Variants in KIF26B observed in about 807,000 individuals in gnomAD.
The protein encoded by KIF26B is kinesin-like protein KIF26B.
In KIF26B, 63 loss-of-function variants were observed where a neutral mutation model predicts 151.2. The observed-to-expected ratio is 0.42, with a 90% CI of 0.34 to 0.51. The LOEUF is 0.51. Ranked by LOEUF, KIF26B falls within the 20% of genes least tolerant of loss-of-function variation. The pLI is 0.07. For synonymous variants in KIF26B, 1,357 were observed against 1,262.1 expected, an observed-to-expected ratio of 1.08 and a Z score of -1.59; for missense variants, 2,813 against 2,913.6, an observed-to-expected ratio of 0.97 and a Z score of 0.79.
chr1:245,581,858 A>G (rs1214292705), intron 5 of KIF26B, among the ~76,000 whole-genome samples: 1 of 151,940 alleles, frequency 6.6e-6, no homozygotes, highest in African/African-American at 2.4e-5. Context: ...CCGAGGCCAC[A>G]GTGAGCTGAG....
At chr1:245,314,479 C>T (rs994457260) in intron 2 of KIF26B, among the ~76,000 whole-genome samples, 3 of 152,130 alleles carry the variant, frequency 2.0e-5, no homozygotes, top group African/African-American at 7.2e-5. Flanking sequence ...AACAAACAAA[C>T]AGCCCTTACA....
Position 245,609,509 on chromosome 1 carries a change from A to T in KIF26B, c.1895A>T (p.Asp632Val), listed in dbSNP as rs1464675425. ...GQSPGVYLCE[D>V]PICGTQLQNQ... ...TCCCCGGGCGTGTACCTCTGTGAGG[A>T]CCCCATCTGCGGCACGCAGGTGATT... Residue 632 changes from aspartate (D) to valine (V), a missense_variant, in exon 8 of 15, where the codon GAC becomes GTC. Around this residue, in one of 3 missense-constraint regions of KIF26B, gnomAD observed 2,060 missense variants for 2,088.6 expected, o/e 0.99. Coordinates refer to ENST00000407071, the MANE Select transcript of KIF26B (RefSeq NM_018012.4). The T allele has an allele frequency of 6.4e-7, 1 of 1,566,658 alleles. No individual in the cohort carries two copies. The highest frequency in any genetic ancestry group is 8.7e-7 in the Non-Finnish European group (1 of 1,154,360).
chr1:245,437,335 T>C (rs1658960989), intron 4 of KIF26B, among the ~76,000 whole-genome samples: 1 of 152,236 alleles, frequency 6.6e-6, no homozygotes, highest in South Asian at 2.1e-4. Context: ...TTGAATGTAA[T>C]CCCCGTGTCT....
At chr1:245,404,223 T>A (rs1322732848) in intron 3 of KIF26B, among the ~76,000 whole-genome samples, 4 of 149,844 alleles carry the variant, frequency 2.7e-5, no homozygotes, top group African/African-American at 7.6e-5. Flanking sequence ...TTTTTTTTTT[T>A]TATAAAGCGT....
intron 4 of KIF26B, among the ~76,000 whole-genome samples, chr1:245,429,437 C>G (rs1298588913): frequency 6.6e-6 from 1 of 152,116 alleles, no homozygotes; most frequent in Non-Finnish European, 1.5e-5. Flanking sequence ...ACAGAAGGAG[C>G]TGAAGAGCAA....
chr1:245,687,378 T>G lies in KIF26B; in HGVS notation c.4395T>G (p.Thr1465=). 6.3e-7 allele frequency: 1 copy of G among 1,589,842 alleles called. No homozygotes were observed. Among genetic ancestry groups the G allele is most frequent in the Non-Finnish European group, 8.6e-7 (1 of 1,168,568 alleles). Residue 1465 remains threonine, a synonymous_variant, in exon 12 of 15, where the codon ACT becomes ACG. Transcript: ENST00000407071. The surrounding 1 kb of genome is among the most constrained non-coding windows in gnomAD (Gnocchi z 4.9). ...PNEEGMMRCE[T]ATGPSNAETR... is the part of the protein sequence containing the mutation. ...AAGAAGGGATGATGAGGTGTGAGAC[T>G]GCCACGGGCCCCTCGAATGCTGAGA...
intron 5 of KIF26B, among the ~76,000 whole-genome samples, chr1:245,590,006 C>G (rs562321527): frequency 1.3e-5 from 2 of 152,198 alleles, no homozygotes; most frequent in African/African-American, 4.8e-5. Context: ...TCTGCGTCTG[C>G]AGACGCAGCA....
intron 3 of KIF26B, chr1:245,371,578 G>C (rs1483171162): frequency 1.3e-5 from 2 of 152,184 alleles, no homozygotes; most frequent in East Asian, 3.9e-4. Context: ...GACGTCGCAA[G>C]GATGAAAACG....
intron 2 of KIF26B, among the ~76,000 whole-genome samples, chr1:245,210,256 C>T (rs1413026497): frequency 3.3e-5 from 5 of 152,198 alleles, no homozygotes; most frequent in East Asian, 1.9e-4. Flanking sequence ...TCAGGCCACC[C>T]GCAGCCTCTG....
chr1:245,449,336 A>G (rs944097055), intron 4 of KIF26B, among the ~76,000 whole-genome samples: 3 of 152,202 alleles, frequency 2.0e-5, no homozygotes, highest in Non-Finnish European at 4.4e-5. Context: ...GAGCCAAGAA[A>G]CAAGCTGGAC....
At chr1:245,661,956 C>T (rs564956877) in intron 10 of KIF26B, among the ~76,000 whole-genome samples, 2 of 74,356 alleles carry the variant, frequency 2.7e-5, no homozygotes, top group African/African-American at 1.0e-4. Context: ...TACATACACA[C>T]ACCCCATATA....
chr1:245,378,924 C>T (rs144117567), intron 3 of KIF26B, among the ~76,000 whole-genome samples: 4 of 152,192 alleles, frequency 2.6e-5, no homozygotes, highest in Non-Finnish European at 5.9e-5. Context: ...TGTGAGAGGG[C>T]GTGTTTTGCA....
chr1:245,510,508 C>G (rs1437146134), intron 4 of KIF26B, among the ~76,000 whole-genome samples: 2 of 152,000 alleles, frequency 1.3e-5, no homozygotes, highest in African/African-American at 4.8e-5. Context: ...GCCAAGAACC[C>G]TAAGCTACTG....
chr1:245,544,700 G>A (rs967902908), intron 5 of KIF26B, among the ~76,000 whole-genome samples: 1 of 152,210 alleles, frequency 6.6e-6, no homozygotes. Flanking sequence ...AGACAAGAGT[G>A]TCATGGAACT....
intron 2 of KIF26B, among the ~76,000 whole-genome samples, chr1:245,365,517 C>A (rs954350623): frequency 2.6e-5 from 4 of 151,002 alleles, no homozygotes; most frequent in Admixed American, 2.6e-4. Context: ...CACAACTCCC[C>A]CCCACCAGCC....
chr1:245,400,209 G>A (rs144465920), intron 3 of KIF26B, among the ~76,000 whole-genome samples: 2 of 152,254 alleles, frequency 1.3e-5, no homozygotes, highest in Non-Finnish European at 2.9e-5. Flanking sequence ...CAAGCTGCGG[G>A]GACCCTAAGG....
chr1:245,332,678 C>T lies in KIF26B; in HGVS notation c.466-34156C>T, dbSNP rs553920520. ...TGGTTTTCACTCAGGGTGGTGGGTC[C>T]CTTATGTGTGTCATGCTTTGCACAA... On this transcript the variant is annotated intron_variant, in intron 2 of 14. Coordinates refer to ENST00000407071, the MANE Select transcript of KIF26B (RefSeq NM_018012.4). Among the ~76,000 whole-genome samples, 3 of 152,278 alleles carry T rather than the reference C, an allele frequency of 2.0e-5. No homozygotes were observed. In the South Asian group the frequency reaches 6.2e-4, roughly 32 times the overall value.
intron 4 of KIF26B, among the ~76,000 whole-genome samples, chr1:245,485,036 G>A (rs1347411349): frequency 6.6e-6 from 1 of 152,102 alleles, no homozygotes; most frequent in Non-Finnish European, 1.5e-5. Context: ...ATATTATTCA[G>A]CAATGAAAAA....
chr1:245,354,430 C>T (rs978366320), intron 2 of KIF26B, among the ~76,000 whole-genome samples: 9 of 152,358 alleles, frequency 5.9e-5, no homozygotes, highest in East Asian at 3.9e-4. Flanking sequence ...ACCAGATCCA[C>T]GGTTTCACAT....
Sources: allele counts gnomAD v4.1 joint callset (sites outside exome capture counted in the v4.1 genomes callset), GRCh38; gene constraint gnomAD v4.1.1; regional missense constraint gnomAD v4.1.1; non-coding constraint Gnocchi (gnomAD v3.1); transcripts MANE v1.5; gene names NCBI Gene and HGNC (gene_info 2026-07-23, HGNC 2026-07-21).